The following CCDC141 variants were observed in gnomAD, a reference collection of about 807,000 sequenced individuals.
CCDC141 encodes the protein coiled-coil domain-containing protein 141.
Under a neutral mutation model 181.0 loss-of-function variants are expected in CCDC141, and 168 were observed. The observed-to-expected ratio is 0.93, with a 90% CI of 0.82 to 1.05. The LOEUF (loss-of-function observed/expected upper bound fraction) is 1.05. Ranked by LOEUF, CCDC141 falls within the 50% of genes least tolerant of loss-of-function variation. CCDC141 has a pLI of 0.00. For synonymous variants in CCDC141, 666 were observed against 642.3 expected (o/e 1.04, Z -0.56); for missense variants, 1,902 against 1,788.5 (o/e 1.06, Z -1.14).
chr2:178,877,800 GC>G, intron 12 of CCDC141, 163 bp downstream of exon 12: 3 of 688,892 alleles, frequency 4.4e-6, no homozygotes, highest in Non-Finnish European at 7.6e-6. Context: ...GGCCAAGCAA[GC>G]ATTTAAATGT....
At chr2:178,984,234 G>T (rs898244933) in intron 2 of CCDC141, among the ~76,000 whole-genome samples, 3 of 148,466 alleles carry the variant, frequency 2.0e-5, no homozygotes, top group East Asian at 4.2e-4. Flanking sequence ...AAGTGAAGGA[G>T]AAATAATATA....
At chr2:178,854,967 A>C (rs1241225299) in intron 19 of CCDC141, among the ~76,000 whole-genome samples, 1 of 152,240 alleles carries the variant, frequency 6.6e-6, no homozygotes, top group Non-Finnish European at 1.5e-5. Context: ...TTTAAAATAA[A>C]TATTTTCAAG....
chr2:178,972,846 C>T (rs182614989), intron 4 of CCDC141, among the ~76,000 whole-genome samples: 140 of 152,206 alleles, frequency 9.2e-4, no homozygotes, highest in African/African-American at 3.3e-3. Flanking sequence ...TTCTAACTTC[C>T]GTAGTGTTAA....
chr2:179,032,027 G>T (rs1257658101), intron 2 of CCDC141, among the ~76,000 whole-genome samples: 1 of 152,100 alleles, frequency 6.6e-6, no homozygotes, highest in Non-Finnish European at 1.5e-5. Flanking sequence ...TACAATATGA[G>T]TTATAGAGCT....
intron 10 of CCDC141, 133 bp from the exon 11 acceptor site, chr2:178,885,225 G>C: frequency 3.4e-5 from 14 of 409,012 alleles, no homozygotes; most frequent in East Asian, 2.2e-4. Flanking sequence ...AATAAAGAAA[G>C]ACACAACTTC....
chr2:178,827,927 A>C (rs1232024161), downstream of CCDC141, among the ~76,000 whole-genome samples: 1 of 152,226 alleles, frequency 6.6e-6, no homozygotes, highest in Non-Finnish European at 1.5e-5. Flanking sequence ...TTAGGGAAAT[A>C]TATTTCCTCA....
At chr2:178,974,380 C>T (rs545083687) in intron 4 of CCDC141, among the ~76,000 whole-genome samples, 1 of 152,304 alleles carries the variant, frequency 6.6e-6, no homozygotes, top group African/African-American at 2.4e-5. Context: ...ATTTATCTAA[C>T]CTCCTTCCAT....
At chr2:178,956,187 A>T (rs1183040493) in intron 5 of CCDC141, among the ~76,000 whole-genome samples, 1 of 152,260 alleles carries the variant, frequency 6.6e-6, no homozygotes, top group Non-Finnish European at 1.5e-5. Context: ...TCTTACAAGC[A>T]TAAAGAGACA....
At chr2:178,817,929 A>C in the CCDC141 span, among the ~76,000 whole-genome samples, 1 of 151,592 alleles carries the variant, frequency 6.6e-6, no homozygotes, top group East Asian at 1.9e-4. Context: ...CAGCCTCCTG[A>C]GTAGCTGGGA....
chr2:178,849,878 GAATT>G lies in CCDC141; in HGVS notation c.3357+167_3357+170del, dbSNP rs60892082. ...TCTCTGCAGTGATGGGAAAGAAATA[GAATT>G]AATTATCACAAACACCCAGATAATT... On this transcript the variant is annotated intron_variant, in intron 21 of 23. Coordinates refer to ENST00000443758, the MANE Select transcript of CCDC141 (RefSeq NM_173648.4). Among the ~76,000 whole-genome samples the G allele has an allele frequency of 0.11, 16,308 of 152,138 alleles. 1,628 individuals are homozygous for G. The highest frequency in any genetic ancestry group is 0.56 in the East Asian group (2,904 of 5,144).
chr2:178,860,708 C>T (rs1685574388), intron 17 of CCDC141, among the ~76,000 whole-genome samples: 1 of 151,548 alleles, frequency 6.6e-6, no homozygotes, highest in Admixed American at 6.6e-5. Context: ...GACTTTTTGG[C>T]CTCCTTCCAT....
chr2:178,979,429 T>G (rs752645133), intron 2 of CCDC141, among the ~76,000 whole-genome samples: 5 of 151,708 alleles, frequency 3.3e-5, no homozygotes, highest in Non-Finnish European at 7.4e-5. Flanking sequence ...ACAAAAGAAA[T>G]AAGAGCAGGT....
intron 6 of CCDC141, among the ~76,000 whole-genome samples, chr2:178,919,663 A>G (rs751681701): frequency 2.0e-5 from 3 of 152,234 alleles, no homozygotes; most frequent in Admixed American, 1.3e-4. Context: ...CTCACTGTCA[A>G]TGCAGGTAAA....
In CCDC141 at chr2:178,913,236, G is replaced by A. The variant is rs929260622; in HGVS notation, c.1092+5477C>T. On this transcript the variant is annotated intron_variant, in intron 7 of 23. Transcript: ENST00000443758. ...GCTTTAGTTATTTCTAAGAGAAAGG[G>A]GAGTTGTTCTGAAAAAGAGGAATTT... Among the ~76,000 whole-genome samples the A allele has an allele frequency of 2.6e-5, 4 of 152,206 alleles. No homozygotes were observed. The East Asian group carries it at 7.7e-4, about 29-fold the overall frequency.
At chr2:179,018,102 CTCTG>C (rs1250757423) in intron 2 of CCDC141, among the ~76,000 whole-genome samples, 3 of 152,060 alleles carry the variant, frequency 2.0e-5, no homozygotes, top group Non-Finnish European at 2.9e-5. Flanking sequence ...GAAAAATGCA[CTCTG>C]TCTTTTTAAG....
chr2:178,821,903 C>T, the CCDC141 span, among the ~76,000 whole-genome samples: 1 of 152,254 alleles, frequency 6.6e-6, no homozygotes, highest in Non-Finnish European at 1.5e-5. Context: ...CATCCCATTA[C>T]TGGGTATATA....
chr2:178,886,928 G>A (rs1393547175), intron 9 of CCDC141, 57 bp from the exon 10 acceptor site: 18 of 1,038,614 alleles, frequency 1.7e-5, no homozygotes, highest in Admixed American at 1.2e-4. Flanking sequence ...ATATATGTAC[G>A]CACATGTGTC....
intron 20 of CCDC141, among the ~76,000 whole-genome samples, chr2:178,851,537 A>G (rs565029409): frequency 6.6e-6 from 1 of 152,294 alleles, no homozygotes; most frequent in Admixed American, 6.5e-5. Context: ...CAGAGGGATG[A>G]CCACGTGAAG....
At chr2:178,948,675 C>CCTTGCT (rs1689829975) in intron 5 of CCDC141, among the ~76,000 whole-genome samples, 1 of 152,082 alleles carries the variant, frequency 6.6e-6, no homozygotes, top group African/African-American at 2.4e-5. Context: ...TAATGCCCTC[C>CCTTGCT]CTTGGTGGGG....
Sources: allele counts gnomAD v4.1 joint callset (sites outside exome capture counted in the v4.1 genomes callset), GRCh38; gene constraint gnomAD v4.1.1; transcripts MANE v1.5; gene names NCBI Gene and HGNC (gene_info 2026-07-23, HGNC 2026-07-21).